Variants in UBR4 observed in about 807,000 individuals in gnomAD.
UBR4 encodes E3 ubiquitin-protein ligase UBR4.
A neutral mutation model predicts 575.6 loss-of-function variants in UBR4; 124 were observed. The ratio of observed to expected loss-of-function variants is 0.22; its 90% confidence interval spans 0.19 to 0.25. UBR4 has a LOEUF of 0.25. Among genes scored for constraint, UBR4 ranks in the 10% least tolerant of loss-of-function variants. The probability of loss-of-function intolerance (pLI) is 1.00; values close to 1 mark genes in which losing one functional copy is unlikely to be tolerated. For missense variants in UBR4, 4,818 were observed against 6,478.8 expected (o/e 0.74, Z 8.80); for synonymous variants, 2,455 against 2,473.7 (o/e 0.99, Z 0.22).
intron 42 of UBR4, 41 bp downstream of exon 42, chr1:19,156,230 A>G: frequency 6.2e-7 from 1 of 1,601,210 alleles, no homozygotes; most frequent in Non-Finnish European, 8.5e-7. Context: ...TTAAAAGTAG[A>G]AAAATTCTAG....
chr1:19,087,736 G>A, intron 99 of UBR4, 80 bp downstream of exon 99: 3 of 1,140,378 alleles, frequency 2.6e-6, no homozygotes, highest in South Asian at 2.7e-5. Flanking sequence ...AGAACAAAAT[G>A]GCCTGGAGGA....
intron 26 of UBR4, among the ~76,000 whole-genome samples, chr1:19,169,822 A>G (rs969214366): frequency 2.0e-4 from 30 of 152,234 alleles, no homozygotes; most frequent in African/African-American, 7.2e-4. Flanking sequence ...AGGGTGAGTC[A>G]TTGCAAGTCA....
rs61661086 is a variant in UBR4, at chr1:19,115,199, GCACACA to G, written c.11063+193_11063+198del. 6.7e-3 allele frequency among the ~76,000 whole-genome samples: 850 copies of G among 127,138 alleles called. 4 individuals are homozygous for G. Among genetic ancestry groups the G allele is most frequent in the Non-Finnish European group, 0.01 (591 of 56,728 alleles). The allele number at this position is 127,138 out of a possible 152,430, so 83.4% of individuals were successfully genotyped here. Reference sequence around the variant, plus strand: ...AGGACAGACACACTCGTGTGCACATGCACACACACACACACACACACACTCACTCAC... The same window carrying G: ...AGGACAGACACACTCGTGTGCACATGCACACACACACACACACTCACTCAC... On this transcript the variant is annotated intron_variant, in intron 74 of 105. Transcript: ENST00000375254.
intron 67 of UBR4, 37 bp from the exon 68 acceptor site, chr1:19,121,471 G>T: frequency 1.9e-6 from 3 of 1,591,534 alleles, no homozygotes; most frequent in South Asian, 1.1e-5. Flanking sequence ...CCTCTGAGAC[G>T]ACCTCAACCA....
At position 19,158,013 on chromosome 1, in the gene UBR4, G is replaced by A; in HGVS notation, c.5578-16C>T. 2 of 1,602,366 alleles carry A rather than the reference G, an allele frequency of 1.2e-6. No individual in the cohort carries two copies. The highest frequency in any genetic ancestry group is 1.7e-6 in the Non-Finnish European group (2 of 1,170,212). ...AGGTGGGAACCTGGCAAAGAAGGAA[G>A]CAGAGAAAGTGGGCAGTAATGAGGC... On this transcript the variant is annotated splice_polypyrimidine_tract_variant and intron_variant, in intron 39 of 105. Transcript: ENST00000375254.
chr1:19,086,405 C>T (rs1009006051), intron 100 of UBR4, 135 bp from the exon 101 acceptor site: 54 of 1,286,358 alleles, frequency 4.2e-5, no homozygotes, highest in African/African-American at 2.1e-4. Flanking sequence ...CCTGACCCTG[C>T]GAAGAGAATT....
chr1:19,155,738 T>A, intron 42 of UBR4, 70 bp from the exon 43 acceptor site: 1 of 1,375,442 alleles, frequency 7.3e-7, no homozygotes, highest in Non-Finnish European at 1.0e-6. Context: ...TCTTAGTGAA[T>A]CCAAATAGCC....
At chr1:19,121,152 A>G (rs769860922) in intron 68 of UBR4, 37 bp downstream of exon 68, 1 of 1,603,464 alleles carries the variant, frequency 6.2e-7, no homozygotes, top group Non-Finnish European at 8.5e-7. Flanking sequence ...ATTTACATAC[A>G]TCATTGTAGT....
rs2084628979 is a variant in UBR4, at chr1:19,144,902, T to G, written c.7951A>C (p.Thr2651Pro). ...FLAPACLPGL[T>P]HIEATVNALV... is the part of the protein sequence containing the mutation. ...GCATTGACAGTAGCTTCAATATGAG[T>G]TAGTCCTAAAGGAGAGACAAACATT... The change falls in exon 54 of 106, where the codon ACT becomes CCT. Residue 2651 changes from threonine (T) to proline (P), a missense_variant. This residue lies in a region of UBR4 where 340 missense variants were observed against 375.4 expected (regional missense o/e 0.91). Coordinates refer to ENST00000375254, the MANE Select transcript of UBR4 (RefSeq NM_020765.3). 1 of 1,613,714 alleles carries G rather than the reference T, an allele frequency of 6.2e-7. No homozygotes were observed. Among genetic ancestry groups the G allele is most frequent in the Admixed American group, 1.7e-5 (1 of 59,962 alleles).
In UBR4 at chr1:19,117,422, C is replaced by T. The variant is rs1570683599; in HGVS notation, c.10630-8G>A. On this transcript the variant is annotated splice_polypyrimidine_tract_variant and splice_region_variant and intron_variant, in intron 72 of 105. Transcript: ENST00000375254. This position sits in a 1 kb window ranked among gnomAD's most constrained non-coding sequence, Gnocchi z 4.0. Reference sequence around the variant, plus strand: ...GGAAGACAGCTTGATATACTAAATACAAGAGTTCACAAAACATGGTATTAG... The same window carrying T: ...GGAAGACAGCTTGATATACTAAATATAAGAGTTCACAAAACATGGTATTAG... 5.0e-6 allele frequency: 8 copies of T among 1,613,314 alleles called. No homozygotes were observed. In the East Asian group the frequency reaches 1.8e-4, roughly 36 times the overall value.
At chr1:19,183,665 T>C (rs1235899125) in intron 17 of UBR4, 146 bp downstream of exon 17, 4 of 739,014 alleles carry the variant, frequency 5.4e-6, no homozygotes, top group Non-Finnish European at 8.9e-6. Context: ...GAGGTTGCAG[T>C]GAGCCAAGAC....
chr1:19,110,516 C>A lies in UBR4; in HGVS notation c.11893-52G>T. On this transcript the variant is annotated intron_variant, in intron 79 of 105. Coordinates refer to ENST00000375254, the MANE Select transcript of UBR4 (RefSeq NM_020765.3). This position sits in a 1 kb window ranked among gnomAD's most constrained non-coding sequence, Gnocchi z 4.5. Reference sequence around the variant, plus strand: ...GTCAAGAGGGTCAGCTCCGGTCCAGCGACTCTTAACTATTAATACAATTTC... The same window carrying A: ...GTCAAGAGGGTCAGCTCCGGTCCAGAGACTCTTAACTATTAATACAATTTC... The A allele has an allele frequency of 1.3e-6, 2 of 1,562,212 alleles. No homozygotes were observed. Among genetic ancestry groups the A allele is most frequent in the Non-Finnish European group, 1.8e-6 (2 of 1,137,624 alleles).
chr1:19,191,195 C>T (rs187183217), intron 11 of UBR4, among the ~76,000 whole-genome samples: 8 of 152,266 alleles, frequency 5.3e-5, no homozygotes, highest in Admixed American at 2.6e-4. Context: ...CTGGGCTGGG[C>T]GCAGTGGCTC....
At chr1:19,122,628 T>C (rs573344605) in intron 66 of UBR4, among the ~76,000 whole-genome samples, 5 of 152,284 alleles carry the variant, frequency 3.3e-5, no homozygotes, top group African/African-American at 9.6e-5. Flanking sequence ...ATGAGAGTGC[T>C]GAGGGGGACA....
At chr1:19,131,997 C>T (rs1212513567) in intron 60 of UBR4, among the ~76,000 whole-genome samples, 1 of 152,086 alleles carries the variant, frequency 6.6e-6, no homozygotes, top group South Asian at 2.1e-4. Context: ...AATTTAGTAA[C>T]ATACTTTTAA....
rs911176255 is a variant in UBR4 at position 19,152,029 on chromosome 1, G to A, written c.6997-170C>T. ...AAAAATGGGAAAATAGGAAAAGAGA[G>A]CAGATTCTCTTCAATGTCAGGCTTC... On this transcript the variant is annotated intron_variant, in intron 47 of 105. Coordinates refer to ENST00000375254, the MANE Select transcript of UBR4 (RefSeq NM_020765.3). The surrounding 1 kb of genome is among the most constrained non-coding windows in gnomAD (Gnocchi z 4.4). Among the ~76,000 whole-genome samples the A allele has an allele frequency of 6.6e-6, 1 of 152,158 alleles. No individual in the cohort carries two copies. Among genetic ancestry groups the A allele is most frequent in the Non-Finnish European group, 1.5e-5 (1 of 68,022 alleles).
intron 81 of UBR4, among the ~76,000 whole-genome samples, chr1:19,109,729 G>A (rs2079630388): frequency 6.6e-6 from 1 of 152,246 alleles, no homozygotes; most frequent in African/African-American, 2.4e-5. Flanking sequence ...TTTGAACTCA[G>A]GAAGTCTGCT....
Position 19,210,117 on chromosome 1 carries a change from G to T in UBR4, c.132C>A (p.Phe44Leu). The stretch of plus-strand genomic sequence containing the variant: ...CCAGCTGCGGCAACTCCTTCATCTC[G>T]AAGGCGGAGTAGGACGCGGACAGCA... Reference protein sequence around the residue: ...RPLLSASYSAFEMKELPQLVA... With the variant: ...RPLLSASYSALEMKELPQLVA... The change falls in exon 1 of 106, where the codon TTC (phenylalanine) becomes TTA (leucine). Residue 44 changes from phenylalanine to leucine, a missense_variant. By Grantham distance (22) the Phe-to-Leu change is conservative. Around this residue, in one of 29 missense-constraint regions of UBR4, gnomAD observed 95 missense variants for 87.7 expected, o/e 1.08. Transcript: ENST00000375254. 1.3e-6 allele frequency: 2 copies of T among 1,585,926 alleles called. No homozygotes were observed. The highest frequency in any genetic ancestry group is 1.7e-5 in the Admixed American group (1 of 57,322).
At position 19,117,105 on chromosome 1, in the gene UBR4, A is replaced by G. The variant is rs1218276158; in HGVS notation, c.10823+116T>C. Reference sequence around the variant, plus strand: ...TTTGGTCATGAATGGAGGGGCCAAGAGGATGTATTAGGCCTCTAGGGATGT... The same window carrying G: ...TTTGGTCATGAATGGAGGGGCCAAGGGGATGTATTAGGCCTCTAGGGATGT... On this transcript the variant is annotated intron_variant, in intron 73 of 105. Transcript: ENST00000375254. This position sits in a 1 kb window ranked among gnomAD's most constrained non-coding sequence, Gnocchi z 4.0. 2 of 1,099,108 alleles carry G rather than the reference A, an allele frequency of 1.8e-6. No individual in the cohort carries two copies. The highest frequency in any genetic ancestry group is 2.7e-6 in the Non-Finnish European group (2 of 750,316). 68.1% of individuals were successfully genotyped at this position (1,099,108 alleles called of 1,614,324 possible). A position where few individuals can be genotyped will look rare whatever the true frequency, so the allele number is the denominator to read the frequency against.
Sources: allele counts gnomAD v4.1 joint callset (sites outside exome capture counted in the v4.1 genomes callset), GRCh38; gene constraint gnomAD v4.1.1; regional missense constraint gnomAD v4.1.1; non-coding constraint Gnocchi (gnomAD v3.1); transcripts MANE v1.5; gene names NCBI Gene and HGNC (gene_info 2026-07-23, HGNC 2026-07-21).